RBFOX1: variants seen among roughly 807,000 people sequenced by gnomAD.
RBFOX1 encodes the protein RNA binding fox-1 homolog 1, also known as RNA binding protein fox-1 homolog 1.
A neutral mutation model predicts 57.7 loss-of-function variants in RBFOX1; 8 were observed. The observed-to-expected ratio is 0.14, with a 90% CI of 0.08 to 0.25. RBFOX1 has a LOEUF of 0.25. Among genes scored for constraint, RBFOX1 ranks in the 10% least tolerant of loss-of-function variants. The pLI is 1.00. For missense variants in RBFOX1, 611 were observed against 548.5 expected (o/e 1.11, Z -1.14); for synonymous variants, 326 against 222.4 (o/e 1.47, Z -4.15).
intron 1 of RBFOX1, among the ~76,000 whole-genome samples, chr16:6,026,207 A>G (rs2095190811): frequency 6.6e-6 from 1 of 152,200 alleles, no homozygotes; most frequent in Non-Finnish European, 1.5e-5. Context: ...ACTCCACTCC[A>G]TGGTCAACTG....
At chr16:6,694,245 A>G (rs954536444) in intron 3 of RBFOX1, among the ~76,000 whole-genome samples, 5 of 152,162 alleles carry the variant, frequency 3.3e-5, no homozygotes, top group African/African-American at 4.8e-5. Flanking sequence ...CGATTCTCCA[A>G]TTTTGTTAAA....
At chr16:5,913,329 A>T (rs985475040) in intron 4 of RBFOX1, among the ~76,000 whole-genome samples, 1 of 152,228 alleles carries the variant, frequency 6.6e-6, no homozygotes, top group Non-Finnish European at 1.5e-5. Context: ...CATCCCCTCC[A>T]AATCTCATTC....
At chr16:6,327,842 G>T (rs936375908) in intron 2 of RBFOX1, among the ~76,000 whole-genome samples, 6 of 152,084 alleles carry the variant, frequency 3.9e-5, no homozygotes, top group East Asian at 1.9e-4. Flanking sequence ...GGAAATGAGG[G>T]GTCTAATGGC....
chr16:5,609,680 A>T (rs2047705727), intron 3 of RBFOX1, among the ~76,000 whole-genome samples: 1 of 152,202 alleles, frequency 6.6e-6, no homozygotes, highest in Non-Finnish European at 1.5e-5. Context: ...GGTACCTTTC[A>T]GCTTGACTGT....
At chr16:6,483,583 A>T in intron 2 of RBFOX1, 1 of 1,508,282 alleles carries the variant, frequency 6.6e-7, no homozygotes, top group Non-Finnish European at 8.8e-7. Context: ...ACTGTCAGGG[A>T]AGGAGAGAAA....
chr16:6,845,864 T>C (rs951716496), intron 3 of RBFOX1, among the ~76,000 whole-genome samples: 4 of 152,230 alleles, frequency 2.6e-5, no homozygotes, highest in South Asian at 4.1e-4. Context: ...CACTTGTGTA[T>C]GGCTATTCCT....
At position 6,804,505 on chromosome 16, in the gene RBFOX1, A is replaced by G. The variant is rs140615227; in HGVS notation, c.-16+149855A>G. ...ACAGGCTCAACAGCTCTAGGTGCATAAATAATCTTCATCCTACAAATAAAG... is the reference window on the plus strand; with the variant it reads ...ACAGGCTCAACAGCTCTAGGTGCATGAATAATCTTCATCCTACAAATAAAG... On this transcript the variant is annotated intron_variant, in intron 3 of 15. Transcript: ENST00000550418. 5.9e-5 allele frequency among the ~76,000 whole-genome samples: 9 copies of G among 152,286 alleles called. No homozygotes were observed. The East Asian group carries it at 1.7e-3, about 29-fold the overall frequency.
intron 4 of RBFOX1, among the ~76,000 whole-genome samples, chr16:7,192,130 G>A (rs1469634420): frequency 6.6e-6 from 1 of 152,152 alleles, no homozygotes; most frequent in Non-Finnish European, 1.5e-5. Flanking sequence ...AAAATAATTG[G>A]TGGGGGAAGG....
intron 3 of RBFOX1, among the ~76,000 whole-genome samples, chr16:6,707,076 C>G (rs1424514065): frequency 6.6e-6 from 1 of 152,162 alleles, no homozygotes; most frequent in Non-Finnish European, 1.5e-5. Flanking sequence ...TTGGTATAAT[C>G]TCTTTCCAGA....
chr16:7,330,132 C>T (rs2096665145), intron 4 of RBFOX1, among the ~76,000 whole-genome samples: 1 of 152,054 alleles, frequency 6.6e-6, no homozygotes, highest in African/African-American at 2.4e-5. Flanking sequence ...TACAGTCATC[C>T]CTCAATATGG....
chr16:5,895,107 T>C (rs2058133160), intron 4 of RBFOX1, among the ~76,000 whole-genome samples: 1 of 152,188 alleles, frequency 6.6e-6, no homozygotes, highest in South Asian at 2.1e-4. Context: ...TGAATCCACA[T>C]TTAAGGGGTA....
At position 6,620,565 on chromosome 16, in the gene RBFOX1, T is replaced by C. The variant is rs540420853; in HGVS notation, c.-63-34038T>C. ...ATCAATGAATCCGGGAGCTATTTTT[T>C]TTTAAACAACAACAATAACAACAAC... On this transcript the variant is annotated intron_variant, in intron 2 of 15. Transcript: ENST00000550418. Among the ~76,000 whole-genome samples the C allele has an allele frequency of 2.6e-5, 4 of 152,180 alleles. No homozygotes were observed. The South Asian group carries it at 8.3e-4, about 32-fold the overall frequency.
intron 2 of RBFOX1, among the ~76,000 whole-genome samples, chr16:6,455,211 G>A (rs370963646): frequency 6.6e-6 from 1 of 151,928 alleles, no homozygotes; most frequent in South Asian, 2.1e-4. Flanking sequence ...GTTTTTCTAG[G>A]CCCTATTTTA....
intron 4 of RBFOX1, among the ~76,000 whole-genome samples, chr16:7,321,565 C>G (rs1479285918): frequency 6.6e-6 from 1 of 152,214 alleles, no homozygotes; most frequent in Non-Finnish European, 1.5e-5. Flanking sequence ...GGGCAAGTTA[C>G]TTGACCACTC....
chr16:5,528,316 C>T (rs1444663478), intron 2 of RBFOX1, among the ~76,000 whole-genome samples: 1 of 152,050 alleles, frequency 6.6e-6, no homozygotes, highest in Non-Finnish European at 1.5e-5. Context: ...CCCTAGAGAG[C>T]GTGACTCAGT....
At position 7,333,190 on chromosome 16, in the gene RBFOX1, A is replaced by G. The variant is rs899957689; in HGVS notation, c.28-184957A>G. ...AAAGCAAACACTTTTAATACAGGAA[A>G]AAGCCCTCGCGTAGTCAGTGAGAAG... On this transcript the variant is annotated intron_variant, in intron 4 of 15. Coordinates refer to ENST00000550418, the MANE Select transcript of RBFOX1 (RefSeq NM_018723.4). 4.5e-6 allele frequency: 5 copies of G among 1,107,166 alleles called. No homozygotes were observed. The Admixed American group carries it at 7.2e-5, about 16-fold the overall frequency. 68.6% of individuals were successfully genotyped at this position (1,107,166 alleles called of 1,614,324 possible).
At chr16:6,042,730 G>A (rs1056742441) in intron 1 of RBFOX1, among the ~76,000 whole-genome samples, 3 of 152,106 alleles carry the variant, frequency 2.0e-5, no homozygotes, top group Non-Finnish European at 4.4e-5. Flanking sequence ...TACGTTTTAG[G>A]GAGACAGAAG....
At chr16:7,623,557 C>G (rs533557172) in intron 10 of RBFOX1, among the ~76,000 whole-genome samples, 7 of 152,220 alleles carry the variant, frequency 4.6e-5, no homozygotes, top group Admixed American at 1.3e-4. Flanking sequence ...GGAGGTGGAG[C>G]TCAGGTGGTA....
chr16:6,908,441 C>T (rs78599256), intron 3 of RBFOX1, among the ~76,000 whole-genome samples: 1 of 152,058 alleles, frequency 6.6e-6, no homozygotes. Context: ...CCTCTGGCCT[C>T]TGGTGTGACC....
Sources: gnomAD v4.1 joint callset for allele counts (sites outside exome capture counted in the v4.1 genomes callset) on GRCh38, gnomAD v4.1.1 for gene constraint, MANE v1.5 for transcripts, NCBI Gene and HGNC (gene_info 2026-07-23, HGNC 2026-07-21) for gene names.